CROT: variants seen among roughly 807,000 people sequenced by gnomAD.
The protein encoded by CROT is carnitine O-octanoyltransferase, also known as peroxisomal carnitine O-octanoyltransferase.
CROT carries 84 observed loss-of-function variants against 89.2 expected under a neutral mutation model. The observed-to-expected ratio is 0.94, with a 90% CI of 0.79 to 1.13. The LOEUF (loss-of-function observed/expected upper bound fraction) is 1.13, where lower values mean the gene tolerates loss of function less well. CROT is among the 50% of genes most tolerant of loss of function. CROT has a pLI of 0.00. For synonymous variants in CROT, 212 were observed against 239.5 expected, an observed-to-expected ratio of 0.89 and a Z score of 1.06; for missense variants, 711 against 727.8, an observed-to-expected ratio of 0.98 and a Z score of 0.27.
rs139049409 is a variant in CROT, at chr7:87,375,708, C to T, written c.733C>T (p.Arg245Ter). 9.3e-4 allele frequency: 1,508 copies of T among 1,613,346 alleles called. 1 individual carries two copies. Among genetic ancestry groups the T allele is most frequent in the Non-Finnish European group, 1.1e-3 (1,356 of 1,179,408 alleles). ...PGIAALTSEE[R>*]TRWAKAREYL... is the part of the protein sequence containing the mutation. ...GATTGCAGCATTAACTAGTGAGGAGCGAACTCGATGGGCTAAGGTTCTGAT... is the reference window on the plus strand; with the variant it reads ...GATTGCAGCATTAACTAGTGAGGAGTGAACTCGATGGGCTAAGGTTCTGAT... The change falls in exon 8 of 18, where the codon CGA (arginine) becomes TGA (stop). Residue 245 changes from arginine (R) to a stop codon, truncating the protein, a stop_gained. Transcript: ENST00000331536. LOFTEE classifies it high-confidence loss of function.
rs775039610 is a variant in CROT, at chr7:87,392,551, C to T, written c.1426-15C>T. 1.2e-5 allele frequency: 19 copies of T among 1,608,950 alleles called. No homozygotes were observed. Among genetic ancestry groups the T allele is most frequent in the East Asian group, 1.1e-4 (5 of 44,844 alleles). Reference sequence around the variant, plus strand: ...CACAGTGTGTTATTGAAGTGTCTCTCGATTTTTAATACAGCTTCGTGAGCG... The same window carrying T: ...CACAGTGTGTTATTGAAGTGTCTCTTGATTTTTAATACAGCTTCGTGAGCG... On this transcript the variant is annotated splice_polypyrimidine_tract_variant and intron_variant, in intron 14 of 17. Transcript: ENST00000331536.
chr7:87,386,639 T>G (rs542008196), intron 13 of CROT, among the ~76,000 whole-genome samples: 76 of 152,208 alleles, frequency 5.0e-4, no homozygotes, highest in Non-Finnish European at 9.1e-4. Flanking sequence ...GATTGCTTAC[T>G]GTTGTGGACT....
chr7:87,378,792 T>C (rs1806891152), intron 10 of CROT, among the ~76,000 whole-genome samples: 1 of 152,150 alleles, frequency 6.6e-6, no homozygotes, highest in Admixed American at 6.5e-5. Flanking sequence ...ATCTAGTGGG[T>C]AGAATCAGTC....
At chr7:87,388,299 A>T (rs946874806) in intron 13 of CROT, among the ~76,000 whole-genome samples, 1 of 152,204 alleles carries the variant, frequency 6.6e-6, no homozygotes, top group Non-Finnish European at 1.5e-5. Flanking sequence ...TGGAACCAAA[A>T]AAGAGCCTGT....
intron 6 of CROT, among the ~76,000 whole-genome samples, chr7:87,366,478 C>A (rs538049943): frequency 1.1e-4 from 16 of 152,242 alleles, no homozygotes; most frequent in African/African-American, 3.9e-4. Flanking sequence ...TCCATTACTA[C>A]CTCAGTCATA....
chr7:87,388,593 A>C (rs552835162), intron 13 of CROT, among the ~76,000 whole-genome samples: 3 of 152,294 alleles, frequency 2.0e-5, no homozygotes, highest in African/African-American at 7.2e-5. Context: ...CTGAAACTGG[A>C]CCCCTTCCTT....
intron 3 of CROT, chr7:87,354,415 A>G: frequency 1.9e-6 from 1 of 518,438 alleles, no homozygotes; most frequent in South Asian, 1.4e-5. Flanking sequence ...ACCTAGGAAG[A>G]GTATATTCAA....
At chr7:87,379,191 T>G (rs1242806014) in intron 10 of CROT, among the ~76,000 whole-genome samples, 1 of 152,184 alleles carries the variant, frequency 6.6e-6, no homozygotes, top group East Asian at 1.9e-4. Flanking sequence ...GGTTACCCTC[T>G]GCATACATAT....
chr7:87,386,774 G>A (rs982773875), intron 13 of CROT, among the ~76,000 whole-genome samples: 1 of 152,084 alleles, frequency 6.6e-6, no homozygotes, highest in Non-Finnish European at 1.5e-5. Context: ...CTTTGATTTG[G>A]TGTCTTTTTT....
At position 87,382,438 on chromosome 7, in the gene CROT, A is replaced by T; in HGVS notation, c.1196A>T (p.Tyr399Phe). Residue 399 changes from tyrosine (Y) to phenylalanine (F), a missense_variant, in exon 13 of 18, where the codon TAT becomes TTT. Transcript: ENST00000331536. ...REASDLQIAA[Y>F]AFTSFGKKLT... is the part of the protein sequence containing the mutation. ...GCATCTGATCTACAGATTGCGGCTT[A>T]TGCCTTTACATCTTTTGGCAAAAAG... The T allele has an allele frequency of 6.2e-7, 1 of 1,613,762 alleles. No individual in the cohort carries two copies. The highest frequency in any genetic ancestry group is 8.5e-7 in the Non-Finnish European group (1 of 1,179,818).
At chr7:87,371,749 G>A (rs1323639782) in intron 7 of CROT, among the ~76,000 whole-genome samples, 3 of 152,054 alleles carry the variant, frequency 2.0e-5, no homozygotes, top group Non-Finnish European at 4.4e-5. Context: ...GCAACATTTT[G>A]GGAGGCTGAG....
rs201076638 is a variant in CROT, at chr7:87,369,387, C to T, written c.559C>T (p.Arg187Cys). Reference sequence around the variant, plus strand: ...GTTTCTGTTTCCAGAGAGTGAAGGGCGTTCCCCAAACCACATTGTAGTGCT... The same window carrying T: ...GTTTCTGTTTCCAGAGAGTGAAGGGTGTTCCCCAAACCACATTGTAGTGCT... ...MNYFRTESEG[R>C]SPNHIVVLCR... is the part of the protein sequence containing the mutation. The change falls in exon 7 of 18, where the codon CGT (arginine) becomes TGT (cysteine). Residue 187 changes from arginine to cysteine, a missense_variant. By Grantham distance (180) the Arg-to-Cys change is radical (BLOSUM62 -3). Transcript: ENST00000331536. 103 of 1,609,390 alleles carry T rather than the reference C, an allele frequency of 6.4e-5. 1 individual carries two copies. The East Asian group carries it at 1.8e-3, about 28-fold the overall frequency.
intron 7 of CROT, among the ~76,000 whole-genome samples, chr7:87,370,116 T>C (rs927392698): frequency 2.0e-5 from 3 of 152,162 alleles, no homozygotes; most frequent in Admixed American, 1.3e-4. Context: ...TATTTCAGTA[T>C]ACATCTCTAA....
At chr7:87,382,689 G>C in intron 13 of CROT, 146 bp downstream of exon 13, 1 of 743,194 alleles carries the variant, frequency 1.3e-6, no homozygotes, top group Non-Finnish European at 2.1e-6. Flanking sequence ...CATCAATAGA[G>C]TATTAGATTT....
chr7:87,384,318 G>C (rs1422968534), intron 13 of CROT, among the ~76,000 whole-genome samples: 1 of 152,134 alleles, frequency 6.6e-6, no homozygotes, highest in African/African-American at 2.4e-5. Flanking sequence ...GATCACCTGA[G>C]GTCAGGAGTT....
chr7:87,381,270 TTTG>T (rs962695732), intron 10 of CROT, among the ~76,000 whole-genome samples: 4 of 152,140 alleles, frequency 2.6e-5, no homozygotes, highest in African/African-American at 9.7e-5. Flanking sequence ...GGGCAAAAAC[TTTG>T]TTCTTCAAAA....
At chr7:87,370,811 A>G (rs1411808207) in intron 7 of CROT, among the ~76,000 whole-genome samples, 1 of 152,230 alleles carries the variant, frequency 6.6e-6, no homozygotes, top group Admixed American at 6.5e-5. Flanking sequence ...CTTTTGGTGT[A>G]CACATGCATG....
At position 87,369,467 on chromosome 7, in the gene CROT, C is replaced by A. The variant is rs752473548; in HGVS notation, c.639C>A (p.Thr213=). 1 of 1,610,792 alleles carries A rather than the reference C, an allele frequency of 6.2e-7. No homozygotes were observed. Among genetic ancestry groups the A allele is most frequent in the African/African-American group, 1.3e-5 (1 of 74,826 alleles). The part of the protein sequence containing the change: ...FDVIHEGCLV[T]PPELLRQLTY... ...TAATACATGAAGGATGTTTGGTCAC[C>A]CCGCCAGAGCTTCTCAGGTTTTCAG... Residue 213 remains threonine (T), a synonymous_variant, in exon 7 of 18, where the codon ACC becomes ACA. Coordinates refer to ENST00000331536, the MANE Select transcript of CROT (RefSeq NM_021151.4).
At chr7:87,369,937 T>C (rs1306498427) in intron 7 of CROT, among the ~76,000 whole-genome samples, 1 of 145,682 alleles carries the variant, frequency 6.9e-6, no homozygotes, top group African/African-American at 2.7e-5. Flanking sequence ...GATTATATAA[T>C]GATAACTCCC....
Sources: allele counts gnomAD v4.1 joint callset (sites outside exome capture counted in the v4.1 genomes callset), GRCh38; gene constraint gnomAD v4.1.1; transcripts MANE v1.5; gene names NCBI Gene and HGNC (gene_info 2026-07-23, HGNC 2026-07-21).